Variants in PEAK1 observed in about 807,000 individuals in gnomAD.
PEAK1 encodes the protein pseudopodium enriched atypical kinase 1.
PEAK1 carries 54 observed loss-of-function variants against 124.7 expected under a neutral mutation model. The observed-to-expected ratio is 0.43, with a 90% CI of 0.35 to 0.54. The LOEUF (loss-of-function observed/expected upper bound fraction) is 0.54, where lower values mean the gene tolerates loss of function less well. PEAK1 is among the 20% of genes least tolerant of loss of function. PEAK1 has a pLI of 0.01. For synonymous variants in PEAK1, 719 were observed against 760.0 expected, an observed-to-expected ratio of 0.95 and a Z score of 0.89; for missense variants, 2,046 against 2,134.5, an observed-to-expected ratio of 0.96 and a Z score of 0.82.
At chr15:77,117,721 C>A (rs886482756) in intron 9 of PEAK1, among the ~76,000 whole-genome samples, 1 of 151,880 alleles carries the variant, frequency 6.6e-6, no homozygotes, top group Non-Finnish European at 1.5e-5. Context: ...CAAGACAGGG[C>A]AACCTAAAGC....
At position 77,112,412 on chromosome 15, in the gene PEAK1, ACT is replaced by A. The variant is rs1347330751; in HGVS notation, c.*1742_*1743del. ...CACAGTCAGTCTTGGCTTTAAGGAAACTCTGCACTGGTAGATGAGGGGCCTCA... is the reference window on the plus strand; with the variant it reads ...CACAGTCAGTCTTGGCTTTAAGGAAACTGCACTGGTAGATGAGGGGCCTCA... On this transcript the variant is annotated 3_prime_UTR_variant, in exon 10 of 10. Coordinates refer to ENST00000682557, the MANE Select transcript of PEAK1 (RefSeq NM_001385026.1). The A allele has an allele frequency of 6.6e-6, 1 of 151,932 alleles. No individual in the cohort carries two copies. Among genetic ancestry groups the A allele is most frequent in the Non-Finnish European group, 1.5e-5 (1 of 67,986 alleles). The allele number at this position is 151,932 out of a possible 1,614,324, so 9.4% of individuals were successfully genotyped here.
intron 6 of PEAK1, among the ~76,000 whole-genome samples, chr15:77,217,020 T>C (rs1230727088): frequency 6.6e-6 from 1 of 151,716 alleles, no homozygotes; most frequent in Non-Finnish European, 1.5e-5. Context: ...CATTTGATCC[T>C]AGGAGTTCAA....
At chr15:77,378,360 GA>G (rs1399574601) in intron 1 of PEAK1, among the ~76,000 whole-genome samples, 1 of 151,934 alleles carries the variant, frequency 6.6e-6, no homozygotes, top group Non-Finnish European at 1.5e-5. Context: ...ATGGGCAGTG[GA>G]AGTCATAAGC....
chr15:77,142,843 G>C (rs1277019174), intron 8 of PEAK1, among the ~76,000 whole-genome samples: 1 of 152,162 alleles, frequency 6.6e-6, no homozygotes, highest in Non-Finnish European at 1.5e-5. Context: ...GGGGAGAATG[G>C]ACAGTGACTG....
chr15:77,404,668 TAAAG>T, intron 1 of PEAK1: 1 of 954,508 alleles, frequency 1.0e-6, no homozygotes, highest in Non-Finnish European at 1.2e-6. Flanking sequence ...TTCGAGACTA[TAAAG>T]AGTCTGCTGT....
intron 5 of PEAK1, among the ~76,000 whole-genome samples, chr15:77,277,786 T>A (rs559860540): frequency 6.6e-6 from 1 of 152,152 alleles, no homozygotes. Context: ...TCCAACTATA[T>A]GACATTCTGA....
intron 5 of PEAK1, among the ~76,000 whole-genome samples, chr15:77,281,301 C>T (rs138856033): frequency 7.2e-5 from 11 of 152,198 alleles, no homozygotes; most frequent in Middle Eastern, 3.4e-3. Context: ...ATTCATATTG[C>T]TGGAGAAAAG....
Position 77,179,349 on chromosome 15 carries a change from T to A in PEAK1, c.2578A>T (p.Thr860Ser). The change falls in exon 7 of 10, where the codon ACT becomes TCT. Residue 860 changes from threonine (T) to serine (S), a missense_variant. Transcript: ENST00000682557. Reference sequence around the variant, plus strand: ...GCTGGTGGCTCACTTTGGGGGCTAGTCACTAATTTGGAGGGAGAGGGGGTG... The same window carrying A: ...GCTGGTGGCTCACTTTGGGGGCTAGACACTAATTTGGAGGGAGAGGGGGTG... ...PVTPSPSKLV[T>S]SPQSEPPAPF... 1.2e-6 allele frequency: 2 copies of A among 1,613,878 alleles called. No individual in the cohort carries two copies. Among genetic ancestry groups the A allele is most frequent in the Non-Finnish European group, 1.7e-6 (2 of 1,179,948 alleles).
chr15:77,227,189 T>C lies in PEAK1; in HGVS notation c.-115+25178A>G, dbSNP rs1331862354. On this transcript the variant is annotated intron_variant, in intron 6 of 9. Transcript: ENST00000682557. ...TATTACTAGACTGGAAAAACAAAAA[T>C]GGCAATCTAGAATAAGTTTATCATT... Among the ~76,000 whole-genome samples, 6 of 152,300 alleles carry C rather than the reference T, an allele frequency of 3.9e-5. No homozygotes were observed. The East Asian group carries it at 9.6e-4, about 24-fold the overall frequency.
At chr15:77,378,478 T>G (rs2069213979) in intron 1 of PEAK1, among the ~76,000 whole-genome samples, 1 of 152,126 alleles carries the variant, frequency 6.6e-6, no homozygotes, top group Non-Finnish European at 1.5e-5. Context: ...ATTTACATAT[T>G]ACAAATTATA....
At chr15:77,132,981 A>G (rs2152741063) in intron 9 of PEAK1, 24 bp downstream of exon 9, 1 of 1,585,468 alleles carries the variant, frequency 6.3e-7, no homozygotes, top group Non-Finnish European at 8.6e-7. Context: ...AAGACTTAAC[A>G]TGAGATTTAT....
At chr15:77,259,718 G>T (rs1314019146) in intron 5 of PEAK1, among the ~76,000 whole-genome samples, 1 of 152,090 alleles carries the variant, frequency 6.6e-6, no homozygotes, top group East Asian at 1.9e-4. Flanking sequence ...TCAGACACAG[G>T]CAATGCAGTA....
At chr15:77,408,092 CACACACATAT>C in intron 1 of PEAK1, among the ~76,000 whole-genome samples, 1 of 149,316 alleles carries the variant, frequency 6.7e-6, no homozygotes, top group South Asian at 2.1e-4. Context: ...CACATATATA[CACACACATAT>C]ATACATATAT....
At chr15:77,237,881 C>T (rs1375871362) in intron 6 of PEAK1, among the ~76,000 whole-genome samples, 1 of 151,986 alleles carries the variant, frequency 6.6e-6, no homozygotes, top group Non-Finnish European at 1.5e-5. Context: ...TTTTTATTTG[C>T]CTGATTAATC....
At chr15:77,204,060 TCAA>T (rs2058506686) in intron 6 of PEAK1, among the ~76,000 whole-genome samples, 1 of 152,050 alleles carries the variant, frequency 6.6e-6, no homozygotes, top group Non-Finnish European at 1.5e-5. Context: ...CTCTTAATTC[TCAA>T]CAATAAGAAA....
chr15:77,375,334 T>C (rs2068925773), intron 1 of PEAK1, among the ~76,000 whole-genome samples: 1 of 152,154 alleles, frequency 6.6e-6, no homozygotes, highest in African/African-American at 2.4e-5. Flanking sequence ...AAACTCATAG[T>C]TGACTACCCA....
intron 6 of PEAK1, among the ~76,000 whole-genome samples, chr15:77,184,401 C>G (rs192539668): frequency 2.2e-4 from 34 of 152,288 alleles, no homozygotes; most frequent in African/African-American, 7.5e-4. Flanking sequence ...TTCTGAAAAA[C>G]AGTTTTGCAG....
At chr15:77,228,923 C>T (rs2059791235) in intron 6 of PEAK1, among the ~76,000 whole-genome samples, 1 of 152,138 alleles carries the variant, frequency 6.6e-6, no homozygotes, top group Admixed American at 6.6e-5. Flanking sequence ...CATTACTCTC[C>T]TCTAGAAGAC....
chr15:77,329,805 A>G (rs1021154377), intron 2 of PEAK1, among the ~76,000 whole-genome samples: 14 of 152,338 alleles, frequency 9.2e-5, no homozygotes, highest in Admixed American at 7.2e-4. Flanking sequence ...ATTTATCAAT[A>G]TATGAAAGTG....
Sources: allele counts gnomAD v4.1 joint callset (sites outside exome capture counted in the v4.1 genomes callset), GRCh38; gene constraint gnomAD v4.1.1; transcripts MANE v1.5; gene names NCBI Gene and HGNC (gene_info 2026-07-23, HGNC 2026-07-21).